The following CDC42BPB variants were observed in gnomAD, a reference collection of about 807,000 sequenced individuals.
CDC42BPB encodes CDC42 binding protein kinase beta, also known as serine/threonine-protein kinase MRCK beta.
In CDC42BPB, 37 loss-of-function variants were observed where a neutral mutation model predicts 214.9. That is an observed-to-expected ratio of 0.17 (90% CI 0.13 to 0.23). CDC42BPB has a LOEUF of 0.23. CDC42BPB is among the 10% of genes least tolerant of loss of function. The pLI, the probability that CDC42BPB is intolerant of heterozygous loss-of-function variation, is 1.00. For synonymous variants in CDC42BPB, 931 were observed against 884.0 expected, an observed-to-expected ratio of 1.05 and a Z score of -0.94; for missense variants, 1,694 against 2,227.0, an observed-to-expected ratio of 0.76 and a Z score of 4.82.
rs1425500874 is a variant in CDC42BPB, at chr14:103,001,481, G to A, written c.448-1768C>T. On this transcript the variant is annotated intron_variant, in intron 4 of 36. Coordinates refer to ENST00000361246, the MANE Select transcript of CDC42BPB (RefSeq NM_006035.4). This position sits in a 1 kb window ranked among gnomAD's most constrained non-coding sequence, Gnocchi z 5.8. Reference sequence around the variant, plus strand: ...GCGGTCGTGCTCCAGATGAAGGGGTGCGTGCAAAGCGGCTAGGAGGAAAGT... The same window carrying A: ...GCGGTCGTGCTCCAGATGAAGGGGTACGTGCAAAGCGGCTAGGAGGAAAGT... Among the ~76,000 whole-genome samples, 1 of 152,188 alleles carries A rather than the reference G, an allele frequency of 6.6e-6. No homozygotes were observed. Among genetic ancestry groups the A allele is most frequent in the Non-Finnish European group, 1.5e-5 (1 of 68,020 alleles).
chr14:102,980,952 T>C lies in CDC42BPB; in HGVS notation c.961A>G (p.Ile321Val), dbSNP rs547502635. ...EEAKDLIQRL[I>V]CSRERRLGQN... ...CCCAGCCGGCGTTCTCTACTGCAGA[T>C]CAGTCTCTGGATGAGGTCCTTCGCT... The change falls in exon 8 of 37, where the codon ATC (isoleucine) becomes GTC (valine). Residue 321 changes from isoleucine (I) to valine (V), a missense_variant. This residue lies in a region of CDC42BPB where 225 missense variants were observed against 459.3 expected (regional missense o/e 0.49). Coordinates refer to ENST00000361246, the MANE Select transcript of CDC42BPB (RefSeq NM_006035.4). 1 of 1,614,216 alleles carries C rather than the reference T, an allele frequency of 6.2e-7. No individual in the cohort carries two copies. The highest frequency in any genetic ancestry group is 8.5e-7 in the Non-Finnish European group (1 of 1,180,044).
At chr14:103,017,877 T>G (rs189678363) in intron 1 of CDC42BPB, among the ~76,000 whole-genome samples, 7 of 152,166 alleles carry the variant, frequency 4.6e-5, no homozygotes, top group African/African-American at 1.7e-4. Flanking sequence ...CAATGCTACA[T>G]TCCTGATTGT....
intron 36 of CDC42BPB, 25 bp from the exon 37 acceptor site, chr14:102,933,868 G>C (rs1891509743): frequency 1.3e-6 from 2 of 1,497,420 alleles, no homozygotes; most frequent in Non-Finnish European, 1.8e-6. Flanking sequence ...AGGGCAGGGT[G>C]AGCACCCGCT....
At chr14:102,994,973 GTTTTC>G (rs1373224647) in intron 5 of CDC42BPB, among the ~76,000 whole-genome samples, 1 of 152,126 alleles carries the variant, frequency 6.6e-6, no homozygotes, top group African/African-American at 2.4e-5. Flanking sequence ...TCTCTCCGAG[GTTTTC>G]TTTTCTTTTT....
intron 1 of CDC42BPB, among the ~76,000 whole-genome samples, chr14:103,042,751 A>T (rs1446698268): frequency 1.3e-5 from 2 of 152,166 alleles, no homozygotes; most frequent in Non-Finnish European, 2.9e-5. Context: ...CACAATGAGA[A>T]ACGACTTCAC....
chr14:103,057,261 T>A lies in CDC42BPB; in HGVS notation c.-88A>T. On this transcript the variant is annotated 5_prime_UTR_variant, in exon 1 of 37. Transcript: ENST00000361246. ...GGCGCGCCCTCGGGGGCTCGGCGGC[T>A]GCGAGCCCCGGCAGCAGCGGCGCCT... 2 of 1,171,566 alleles carry A rather than the reference T, an allele frequency of 1.7e-6. No individual in the cohort carries two copies. Among genetic ancestry groups the A allele is most frequent in the Non-Finnish European group, 1.1e-6 (1 of 949,956 alleles). 72.6% of individuals were successfully genotyped at this position (1,171,566 alleles called of 1,614,324 possible). A position where few individuals can be genotyped will look rare whatever the true frequency, so the allele number is the denominator to read the frequency against.
Position 102,944,446 on chromosome 14 carries a change from C to T in CDC42BPB, c.3853G>A (p.Glu1285Lys), listed in dbSNP as rs764023925. ...ACGATCTTCTCCCTGGGAGCAAGCT[C>T]GATCTGGTGTACCTTCTTACAGTCA... ...AADCKKVHQI[E>K]LAPREKIVIL... Residue 1285 changes from glutamate to lysine, a missense_variant, in exon 30 of 37, where the codon GAG (glutamate) becomes AAG (lysine). Physicochemically the swap from Glu to Lys is moderately conservative, Grantham distance 56. This residue lies in a region of CDC42BPB where 567 missense variants were observed against 790.3 expected (regional missense o/e 0.72). Transcript: ENST00000361246. The surrounding 1 kb of genome is among the most constrained non-coding windows in gnomAD (Gnocchi z 6.6). 6.2e-6 allele frequency: 10 copies of T among 1,612,944 alleles called. No individual in the cohort carries two copies. Among genetic ancestry groups the T allele is most frequent in the Non-Finnish European group, 7.6e-6 (9 of 1,179,996 alleles).
At chr14:102,964,296 T>C (rs1893092113) in intron 19 of CDC42BPB, among the ~76,000 whole-genome samples, 1 of 152,190 alleles carries the variant, frequency 6.6e-6, no homozygotes, top group Non-Finnish European at 1.5e-5. Flanking sequence ...GGCAAGGCCC[T>C]GCACCCTCGC....
intron 1 of CDC42BPB, among the ~76,000 whole-genome samples, chr14:103,053,908 A>G (rs1052850231): frequency 4.7e-4 from 71 of 152,068 alleles, no homozygotes; most frequent in African/African-American, 1.7e-3. Flanking sequence ...TGGCATGATC[A>G]TTGCTCATTG....
chr14:102,975,706 T>C lies in CDC42BPB; in HGVS notation c.1485A>G (p.Glu495=). Residue 495 remains glutamate (E), a synonymous_variant, in exon 11 of 37, where the codon GAA becomes GAG. Transcript: ENST00000361246. ...TACCTGCTATTTTATTCTTCAAGCG[T>C]TCGATTTCTTCATTTAGCTTTTTGA... ...KEIKKLNEEI[E]RLKNKIADSN... 9 of 1,614,032 alleles carry C rather than the reference T, an allele frequency of 5.6e-6. No individual in the cohort carries two copies. The highest frequency in any genetic ancestry group is 1.3e-5 in the African/African-American group (1 of 75,064).
chr14:102,951,530 T>C (rs183047838), intron 24 of CDC42BPB, among the ~76,000 whole-genome samples: 11 of 152,320 alleles, frequency 7.2e-5, no homozygotes, highest in South Asian at 4.1e-4. Flanking sequence ...GGCTCACACC[T>C]GTAATCCCAG....
rs35409866 is a variant in CDC42BPB, at chr14:102,988,099, G to A, written c.597-1519C>T. ...AAACAGATAAAATCTTATCAGAAAT[G>A]AAATTATAAGAGGACCAAACAAGAA... On this transcript the variant is annotated intron_variant, in intron 5 of 36. Transcript: ENST00000361246. Among the ~76,000 whole-genome samples, 426 of 152,164 alleles carry A rather than the reference G, an allele frequency of 2.8e-3. 8 individuals are homozygous for A. In the East Asian group the frequency reaches 0.053, roughly 19 times the overall value.
chr14:102,949,888 C>T lies in CDC42BPB; in HGVS notation c.3326G>A (p.Gly1109Glu), dbSNP rs1384300410. 2 of 1,613,422 alleles carry T rather than the reference C, an allele frequency of 1.2e-6. No individual in the cohort carries two copies. Among genetic ancestry groups the T allele is most frequent in the Non-Finnish European group, 1.7e-6 (2 of 1,179,996 alleles). ...KGHVKVPKPT[G>E]VKKGWQRAYA... ...TGCGCGCTGCCATCCCTTCTTCACC[C>T]CCGTGGGCTTTGGGACCTATGAATA... Residue 1109 changes from glycine to glutamate, a missense_variant, in exon 26 of 37, where the codon GGG (glycine) becomes GAG (glutamate). Physicochemically the swap from Gly to Glu is moderately conservative, Grantham distance 98. Transcript: ENST00000361246.
At chr14:102,966,455 G>C in intron 17 of CDC42BPB, 68 bp from the exon 18 acceptor site, 1 of 1,591,608 alleles carries the variant, frequency 6.3e-7, no homozygotes, top group Non-Finnish European at 8.6e-7. Flanking sequence ...ACAAGAAGGG[G>C]ACGTTCCCGC....
At chr14:102,954,348 A>C (rs1399352722) in intron 22 of CDC42BPB, 73 bp from the exon 23 acceptor site, 15 of 1,442,734 alleles carry the variant, frequency 1.0e-5, no homozygotes, top group African/African-American at 1.4e-5. Context: ...TACGGGGTGC[A>C]CTTCTCTCAA....
chr14:103,052,645 G>A (rs1888673007), intron 1 of CDC42BPB, among the ~76,000 whole-genome samples: 1 of 152,152 alleles, frequency 6.6e-6, no homozygotes, highest in Admixed American at 6.6e-5. Context: ...AGAAGACTAG[G>A]AGGATTAATT....
rs114882066 is a variant in CDC42BPB at position 102,950,053 on chromosome 14, G to A, written c.3310-149C>T. The A allele has an allele frequency of 2.8e-4, 410 of 1,473,310 alleles. 1 individual carries two copies. In the African/African-American group the frequency reaches 5.1e-3, roughly 18 times the overall value. 91.3% of individuals were successfully genotyped at this position (1,473,310 alleles called of 1,614,324 possible). A position where few individuals can be genotyped will look rare whatever the true frequency, so the allele number is the denominator to read the frequency against. On this transcript the variant is annotated intron_variant, in intron 25 of 36. Transcript: ENST00000361246. ...ATGTTTGCCCAAGAAGGCTCAAGGC[G>A]TTGCTGGGGAGGGGTCCATGCGTGG...
intron 20 of CDC42BPB, chr14:102,959,929 G>A (rs1275120423): frequency 1.3e-6 from 1 of 784,302 alleles, no homozygotes; most frequent in Non-Finnish European, 1.5e-6. Flanking sequence ...CCAAGGGACT[G>A]GGTGCGGTGG....
At chr14:102,946,165 C>T (rs554033502) in intron 28 of CDC42BPB, among the ~76,000 whole-genome samples, 10 of 152,230 alleles carry the variant, frequency 6.6e-5, no homozygotes, top group African/African-American at 2.2e-4. Context: ...CCCGCCACCA[C>T]GCCCAGCTAT....
Sources: gnomAD v4.1 joint callset for allele counts (sites outside exome capture counted in the v4.1 genomes callset) on GRCh38, gnomAD v4.1.1 for gene constraint, gnomAD v4.1.1 regional missense constraint, Gnocchi (gnomAD v3.1) non-coding constraint, MANE v1.5 for transcripts, NCBI Gene and HGNC (gene_info 2026-07-23, HGNC 2026-07-21) for gene names.